ACACA: variants seen among roughly 807,000 people sequenced by gnomAD.
ACACA encodes the protein acetyl-CoA carboxylase alpha, also known as acetyl-CoA carboxylase 1.
In ACACA, 103 loss-of-function variants were observed where a neutral mutation model predicts 296.1. The ratio of observed to expected loss-of-function variants is 0.35; its 90% CI spans 0.30 to 0.41. ACACA has a LOEUF of 0.41. Ranked by LOEUF, ACACA falls within the 10% of genes least tolerant of loss-of-function variation. The probability of loss-of-function intolerance (pLI) is 1.00; values close to 1 mark genes in which losing one functional copy is unlikely to be tolerated. For synonymous variants in ACACA, 953 were observed against 1,038.6 expected (o/e 0.92, Z 1.58); for missense variants, 1,554 against 2,989.7 (o/e 0.52, Z 11.20).
intron 20 of ACACA, 95 bp from the exon 21 acceptor site, chr17:37,244,829 C>T (rs1370175784): frequency 7.1e-6 from 11 of 1,539,182 alleles, no homozygotes; most frequent in Middle Eastern, 1.7e-4. Flanking sequence ...AAAATCGAGA[C>T]ATCATACCCA....
chr17:37,151,489 T>A, intron 43 of ACACA, 68 bp from the exon 44 acceptor site: 1 of 1,595,638 alleles, frequency 6.3e-7, no homozygotes, highest in South Asian at 1.1e-5. Context: ...AAAAGAATAA[T>A]CACCAATAAA....
intron 41 of ACACA, among the ~76,000 whole-genome samples, chr17:37,169,986 C>T (rs201168534): frequency 6.6e-6 from 1 of 152,140 alleles, no homozygotes; most frequent in East Asian, 1.9e-4. Flanking sequence ...CTGATCACTG[C>T]CTCTCTCATG....
chr17:37,180,972 C>T (rs914331856), intron 40 of ACACA, among the ~76,000 whole-genome samples: 2 of 152,178 alleles, frequency 1.3e-5, no homozygotes, highest in Non-Finnish European at 2.9e-5. Flanking sequence ...CTCCTGTCTC[C>T]TACTCAATAG....
chr17:37,187,581 G>T (rs1353834139), intron 39 of ACACA, among the ~76,000 whole-genome samples: 1 of 152,122 alleles, frequency 6.6e-6, no homozygotes, highest in Non-Finnish European at 1.5e-5. Context: ...AAGATTAAAA[G>T]GGAATTCTCT....
At chr17:37,150,050 T>C in intron 44 of ACACA, 76 bp from the exon 45 acceptor site, 1 of 1,314,842 alleles carries the variant, frequency 7.6e-7, no homozygotes, top group Non-Finnish European at 1.1e-6. Flanking sequence ...CATAGATAAG[T>C]AAAATCCAAA....
intron 25 of ACACA, among the ~76,000 whole-genome samples, chr17:37,232,556 C>A (rs547989190): frequency 6.6e-6 from 1 of 152,146 alleles, no homozygotes; most frequent in Non-Finnish European, 1.5e-5. Context: ...AAGAGGAAGA[C>A]ATGTCTGGCA....
chr17:37,116,373 A>C (rs1270308612), intron 50 of ACACA, among the ~76,000 whole-genome samples: 1 of 152,210 alleles, frequency 6.6e-6, no homozygotes, highest in Admixed American at 6.5e-5. Flanking sequence ...GAGTAAAATA[A>C]AACCAGAAAA....
At chr17:37,313,895 T>C (rs1013318670) in intron 3 of ACACA, among the ~76,000 whole-genome samples, 3 of 152,078 alleles carry the variant, frequency 2.0e-5, no homozygotes, top group Non-Finnish European at 4.4e-5. Context: ...TGAAGAGATA[T>C]CTACACTCCC....
Position 37,205,263 on chromosome 17 carries a change from T to C in ACACA, c.4056+502A>G, listed in dbSNP as rs143381462. On this transcript the variant is annotated intron_variant, in intron 33 of 55. Coordinates refer to ENST00000616317, the MANE Select transcript of ACACA (RefSeq NM_198834.3). ...TTTTTTGTTTTGTTTTATGAGGGGATTGGAGAGGGACGAGAAGAGGTGAAG... is the reference window on the plus strand; with the variant it reads ...TTTTTTGTTTTGTTTTATGAGGGGACTGGAGAGGGACGAGAAGAGGTGAAG... 9.9e-4 allele frequency among the ~76,000 whole-genome samples: 150 copies of C among 151,962 alleles called. 1 individual carries two copies. The highest frequency in any genetic ancestry group is 3.3e-3 in the African/African-American group (137 of 41,434).
intron 26 of ACACA, among the ~76,000 whole-genome samples, chr17:37,226,008 T>C (rs978179631): frequency 7.2e-5 from 11 of 152,222 alleles, no homozygotes; most frequent in African/African-American, 2.7e-4. Flanking sequence ...CTTTGGGAAG[T>C]AAGAAATACT....
intron 35 of ACACA, among the ~76,000 whole-genome samples, chr17:37,193,764 A>G (rs893546519): frequency 9.9e-5 from 15 of 152,176 alleles, no homozygotes; most frequent in Non-Finnish European, 1.9e-4. Flanking sequence ...CCCTTGTGCC[A>G]CAGTCACTGC....
chr17:37,238,106 C>G (rs1202150213), intron 24 of ACACA, among the ~76,000 whole-genome samples: 1 of 152,110 alleles, frequency 6.6e-6, no homozygotes, highest in Non-Finnish European at 1.5e-5. Context: ...AGTAATCAAT[C>G]TTTTCTTTTG....
At chr17:37,207,599 C>G in intron 31 of ACACA, 58 bp downstream of exon 31, 1 of 1,604,174 alleles carries the variant, frequency 6.2e-7, no homozygotes, top group South Asian at 1.1e-5. Context: ...AAGATGAGAC[C>G]CCAAAACACA....
At chr17:37,174,854 T>C (rs1202159546) in intron 41 of ACACA, among the ~76,000 whole-genome samples, 1 of 152,172 alleles carries the variant, frequency 6.6e-6, no homozygotes, top group Non-Finnish European at 1.5e-5. Context: ...ATTTTCAATA[T>C]ACTTTCCTCC....
At chr17:37,243,989 CAGGCGTG>C (rs370411254) in intron 21 of ACACA, among the ~76,000 whole-genome samples, 246 of 152,288 alleles carry the variant, frequency 1.6e-3, no homozygotes, top group African/African-American at 5.7e-3. Flanking sequence ...GGTGAGATTA[CAGGCGTG>C]AGCCAACTAT....
At chr17:37,243,335 T>C in intron 22 of ACACA, 36 bp downstream of exon 22, 1 of 1,584,298 alleles carries the variant, frequency 6.3e-7, no homozygotes, top group Non-Finnish European at 8.7e-7. Context: ...CTGGCATTGG[T>C]AGCCAGAAAA....
intron 54 of ACACA, among the ~76,000 whole-genome samples, chr17:37,092,713 A>G (rs1567647026): frequency 6.6e-6 from 1 of 152,162 alleles, no homozygotes; most frequent in Non-Finnish European, 1.5e-5. Flanking sequence ...TACCCTACTA[A>G]TAACTCACCT....
At chr17:37,239,057 G>A (rs2080259936) in intron 24 of ACACA, among the ~76,000 whole-genome samples, 1 of 152,024 alleles carries the variant, frequency 6.6e-6, no homozygotes, top group Non-Finnish European at 1.5e-5. Context: ...TCAAACTCCT[G>A]GCCTCAAGCA....
At chr17:37,268,721 C>A (rs1030518560) in intron 10 of ACACA, among the ~76,000 whole-genome samples, 16 of 108,068 alleles carry the variant, frequency 1.5e-4, no homozygotes, top group African/African-American at 5.6e-4. Context: ...CTATATCTAT[C>A]TATCTATCTA....
Sources: allele counts gnomAD v4.1 joint callset (sites outside exome capture counted in the v4.1 genomes callset), GRCh38; gene constraint gnomAD v4.1.1; transcripts MANE v1.5; gene names NCBI Gene and HGNC (gene_info 2026-07-23, HGNC 2026-07-21).